FOXK2: variants seen among roughly 807,000 people sequenced by gnomAD.
FOXK2 encodes forkhead box K2.
In FOXK2, 24 loss-of-function variants were observed where a neutral mutation model predicts 53.3. That is an observed-to-expected ratio of 0.45 (90% CI 0.33 to 0.63). The LOEUF (loss-of-function observed/expected upper bound fraction) is 0.63. Ranked by LOEUF, FOXK2 falls within the 30% of genes least tolerant of loss-of-function variation. FOXK2 has a pLI of 0.03. For missense variants in FOXK2, 952 were observed against 910.5 expected (o/e 1.05, Z -0.59); for synonymous variants, 505 against 407.1 (o/e 1.24, Z -2.89).
intron 2 of FOXK2, among the ~76,000 whole-genome samples, chr17:82,565,237 G>A (rs2144118378): frequency 6.6e-6 from 1 of 152,208 alleles, no homozygotes; most frequent in African/African-American, 2.4e-5. Flanking sequence ...GAAAACATAG[G>A]CAAAACCTAT....
chr17:82,520,526 C>CG (rs1491362751), intron 1 of FOXK2, among the ~76,000 whole-genome samples: 9 of 105,532 alleles, frequency 8.5e-5, no homozygotes, highest in Admixed American at 2.2e-4. Flanking sequence ...GCAGGTGCAG[C>CG]CCCCCGTCTT....
intron 8 of FOXK2, chr17:82,599,759 C>G (rs1419212701): frequency 6.6e-6 from 1 of 152,324 alleles, no homozygotes; most frequent in Admixed American, 6.5e-5. Flanking sequence ...CGGTCTCTGA[C>G]CAGCCAGCGT....
chr17:82,563,597 G>T (rs2044821635), intron 2 of FOXK2, 49 bp downstream of exon 2: 1 of 1,539,768 alleles, frequency 6.5e-7, no homozygotes, highest in Non-Finnish European at 8.8e-7. Flanking sequence ...CCCAGTGGCA[G>T]CCCCAAGTAA....
intron 1 of FOXK2, among the ~76,000 whole-genome samples, chr17:82,555,430 AT>A (rs1174922952): frequency 6.6e-6 from 1 of 152,126 alleles, no homozygotes; most frequent in African/African-American, 2.4e-5. Flanking sequence ...ACAGTTTTTA[AT>A]TTCTAGTTTT....
chr17:82,574,547 C>T (rs540815718), intron 4 of FOXK2, among the ~76,000 whole-genome samples: 21 of 152,176 alleles, frequency 1.4e-4, no homozygotes, highest in South Asian at 4.2e-4. Context: ...GTTGAACTCC[C>T]GACCTCGGGT....
intron 5 of FOXK2, 62 bp from the exon 6 acceptor site, chr17:82,583,951 C>T: frequency 2.0e-6 from 3 of 1,506,208 alleles, no homozygotes; most frequent in Non-Finnish European, 2.7e-6. Flanking sequence ...CTTATTAAAA[C>T]AGCAAGTGCT....
intron 7 of FOXK2, among the ~76,000 whole-genome samples, chr17:82,586,677 G>T (rs4548910): frequency 3.9e-5 from 6 of 152,034 alleles, no homozygotes; most frequent in Non-Finnish European, 8.8e-5. Context: ...TGAGACGGTC[G>T]GATCACCTGA....
At position 82,530,459 on chromosome 17, in the gene FOXK2, AAAAAAAAG is replaced by A. The variant is rs1443831696; in HGVS notation, c.419+10154_419+10161del. 9.0e-5 allele frequency among the ~76,000 whole-genome samples: 13 copies of A among 144,960 alleles called. No individual in the cohort carries two copies. The East Asian group carries it at 2.0e-3, about 22-fold the overall frequency. On this transcript the variant is annotated intron_variant, in intron 1 of 8. Coordinates refer to ENST00000335255, the MANE Select transcript of FOXK2 (RefSeq NM_004514.4). ...GAAACTCCATCTAAAAAAAAAAAAA[AAAAAAAAG>A]AGAGAGAAAACCCGAAATAAGGAAA...
intron 1 of FOXK2, among the ~76,000 whole-genome samples, chr17:82,553,030 A>T (rs1350249492): frequency 6.6e-6 from 1 of 152,092 alleles, no homozygotes; most frequent in Non-Finnish European, 1.5e-5. Flanking sequence ...CTGCCTCCTG[A>T]GTTCAAGCGA....
At chr17:82,520,891 C>T (rs1376340939) in intron 1 of FOXK2, among the ~76,000 whole-genome samples, 1 of 152,138 alleles carries the variant, frequency 6.6e-6, no homozygotes, top group African/African-American at 2.4e-5. Context: ...AATCTGTGCT[C>T]TGAACCTTAA....
At chr17:82,595,635 T>C (rs1195688880) in intron 8 of FOXK2, 2 of 486,422 alleles carry the variant, frequency 4.1e-6, no homozygotes, top group Non-Finnish European at 6.6e-6. Context: ...GAGGACAGAG[T>C]GCTATACATG....
intron 1 of FOXK2, among the ~76,000 whole-genome samples, chr17:82,531,869 T>G (rs752753931): frequency 2.0e-5 from 3 of 152,232 alleles, no homozygotes; most frequent in African/African-American, 4.8e-5. Context: ...AGAAGGAGTT[T>G]CGCTTTTGTC....
chr17:82,593,654 G>T (rs2045279490), intron 8 of FOXK2: 1 of 152,340 alleles, frequency 6.6e-6, no homozygotes, highest in Non-Finnish European at 1.5e-5. Context: ...CACAGAGCAG[G>T]ACACAGGGGA....
intron 2 of FOXK2, among the ~76,000 whole-genome samples, chr17:82,567,074 G>A (rs1199981299): frequency 6.6e-6 from 1 of 152,098 alleles, no homozygotes; most frequent in Non-Finnish European, 1.5e-5. Flanking sequence ...ACTGCAGAGG[G>A]TACAAGGCCA....
chr17:82,562,161 A>G (rs1567974873), intron 1 of FOXK2, among the ~76,000 whole-genome samples: 1 of 152,196 alleles, frequency 6.6e-6, no homozygotes, highest in South Asian at 2.1e-4. Flanking sequence ...TACTTGAATC[A>G]TGTCAAGGAA....
intron 1 of FOXK2, among the ~76,000 whole-genome samples, chr17:82,543,181 C>CTTCAG (rs77420833): frequency 6.6e-6 from 1 of 152,066 alleles, no homozygotes; most frequent in African/African-American, 2.4e-5. Context: ...TCTAAATCCA[C>CTTCAG]AACTATTTTT....
At chr17:82,554,604 C>T (rs2044705523) in intron 1 of FOXK2, among the ~76,000 whole-genome samples, 1 of 152,176 alleles carries the variant, frequency 6.6e-6, no homozygotes. Context: ...TGCTTTCTGC[C>T]ACCTAGTGTT....
At chr17:82,581,380 A>T (rs922599378) in intron 4 of FOXK2, among the ~76,000 whole-genome samples, 1 of 151,432 alleles carries the variant, frequency 6.6e-6, no homozygotes, top group Non-Finnish European at 1.5e-5. Context: ...GCTCACTGCA[A>T]CCTCCTCCTC....
intron 5 of FOXK2, among the ~76,000 whole-genome samples, chr17:82,583,352 C>T (rs942001877): frequency 6.6e-6 from 1 of 152,128 alleles, no homozygotes; most frequent in African/African-American, 2.4e-5. Context: ...CGAGATCAGC[C>T]TGGCCAATAT....
Sources: gnomAD v4.1 joint callset for allele counts (sites outside exome capture counted in the v4.1 genomes callset) on GRCh38, gnomAD v4.1.1 for gene constraint, MANE v1.5 for transcripts, NCBI Gene and HGNC (gene_info 2026-07-23, HGNC 2026-07-21) for gene names.